The following ROBO2 variants were observed in gnomAD, a reference collection of about 807,000 sequenced individuals.
ROBO2 encodes the protein roundabout homolog 2.
In ROBO2, 53 loss-of-function variants were observed where a neutral mutation model predicts 160.8. That is an observed-to-expected ratio of 0.33 (90% confidence interval 0.26 to 0.41). The LOEUF is 0.41. Among genes scored for constraint, ROBO2 ranks in the 10% least tolerant of loss-of-function variants. ROBO2 has a pLI of 1.00. For synonymous variants in ROBO2, 664 were observed against 611.7 expected (o/e 1.09, Z -1.26); for missense variants, 1,577 against 1,722.4 (o/e 0.92, Z 1.49).
chr3:75,976,404 T>C (rs773661481), intron 2 of ROBO2, among the ~76,000 whole-genome samples: 13 of 151,574 alleles, frequency 8.6e-5, no homozygotes, highest in Admixed American at 4.6e-4. Flanking sequence ...TGTAGTTAAA[T>C]GACTCTCCAA....
intron 2 of ROBO2, among the ~76,000 whole-genome samples, chr3:76,297,384 C>T (rs562227940): frequency 6.6e-6 from 1 of 152,148 alleles, no homozygotes; most frequent in Non-Finnish European, 1.5e-5. Flanking sequence ...TACTAGAAGA[C>T]TCCATTTCCC....
At chr3:75,952,362 A>G (rs1257207465) in intron 2 of ROBO2, among the ~76,000 whole-genome samples, 3 of 151,986 alleles carry the variant, frequency 2.0e-5, no homozygotes, top group African/African-American at 7.2e-5. Context: ...TAAAGAATGA[A>G]ACTATATTTA....
chr3:76,476,840 T>TG (rs2078956786), intron 2 of ROBO2, among the ~76,000 whole-genome samples: 1 of 123,574 alleles, frequency 8.1e-6, no homozygotes, highest in Non-Finnish European at 1.8e-5. Flanking sequence ...TGGGAAAAAA[T>TG]GGAAAAAAAA....
rs115764334 is a variant in ROBO2 at position 75,949,890 on chromosome 3, C to T, written c.109+12288C>T. ...ACTTTATGTGCAATGCATTTTTTCT[C>T]GTGTTTAATCATTTTTGTATGCTAA... is the stretch of plus-strand genomic sequence containing the variant. On this transcript the variant is annotated intron_variant, in intron 2 of 26. Coordinates refer to the ROBO2 transcript ENST00000487694. 1.6e-3 allele frequency among the ~76,000 whole-genome samples: 244 copies of T among 152,054 alleles called. 1 individual carries two copies. The highest frequency in any genetic ancestry group is 5.5e-3 in the African/African-American group (229 of 41,496).
At chr3:76,606,954 A>G (rs1452298716) in intron 2 of ROBO2, among the ~76,000 whole-genome samples, 2 of 152,240 alleles carry the variant, frequency 1.3e-5, no homozygotes, top group African/African-American at 4.8e-5. Flanking sequence ...ATATGAAGCT[A>G]AATATGGAAT....
intron 1 of ROBO2, among the ~76,000 whole-genome samples, chr3:77,078,798 C>A (rs2068300634): frequency 6.6e-6 from 1 of 152,200 alleles, no homozygotes; most frequent in Non-Finnish European, 1.5e-5. Context: ...CGCAACTCAC[C>A]AGTGCTACCA....
At chr3:76,199,555 C>T (rs1603257) in intron 2 of ROBO2, among the ~76,000 whole-genome samples, 50,712 of 151,852 alleles carry the variant, frequency 0.33, 9,391 homozygotes, top group Non-Finnish European at 0.41. Flanking sequence ...TTGGTAACTT[C>T]GTGAGAGGAT....
At chr3:77,228,316 A>C (rs73101977) in intron 2 of ROBO2, among the ~76,000 whole-genome samples, 4,192 of 152,162 alleles carry the variant, frequency 0.028, 65 homozygotes, top group Middle Eastern at 0.054. Flanking sequence ...ACAGGCAAAC[A>C]CAAACACACA....
At chr3:75,975,494 G>A (rs888941237) in intron 2 of ROBO2, among the ~76,000 whole-genome samples, 1 of 151,122 alleles carries the variant, frequency 6.6e-6, no homozygotes, top group African/African-American at 2.4e-5. Flanking sequence ...GTTAGTCTCT[G>A]TTTAGATCAT....
intron 2 of ROBO2, among the ~76,000 whole-genome samples, chr3:77,103,854 G>C (rs111909226): frequency 1.3e-5 from 2 of 152,134 alleles, no homozygotes; most frequent in South Asian, 4.1e-4. Flanking sequence ...AGAGGGCACA[G>C]GTGGCACTGA....
Position 77,180,416 on chromosome 3 carries a change from C to CTCTCTCTA in ROBO2, c.388+82077_388+82078insCTCTCTAT, listed in dbSNP as rs1433740534. The stretch of plus-strand genomic sequence containing the variant: ...TCTCTCTCTCTCTCTCTCTCTCTCT[C>CTCTCTCTA]TATATATATATATATGTATTTTTTT... On this transcript the variant is annotated intron_variant, in intron 2 of 25. Coordinates refer to ENST00000461745, the Ensembl canonical transcript of ROBO2. Among the ~76,000 whole-genome samples the CTCTCTCTA allele has an allele frequency of 9.5e-3, 864 of 90,708 alleles. 21 individuals are homozygous for CTCTCTCTA. Among genetic ancestry groups the CTCTCTCTA allele is most frequent in the Non-Finnish European group, 0.013 (584 of 43,882 alleles). The allele number at this position is 90,708 out of a possible 152,430, so 59.5% of individuals were successfully genotyped here. A position where few individuals can be genotyped will look rare whatever the true frequency, so the allele number is the denominator to read the frequency against.
intron 2 of ROBO2, among the ~76,000 whole-genome samples, chr3:76,497,017 G>A (rs546209371): frequency 4.6e-5 from 7 of 152,118 alleles, no homozygotes; most frequent in Non-Finnish European, 4.4e-5. Context: ...TTAAAAAGAA[G>A]CAAGTCTTTA....
chr3:77,495,807 C>T (rs1430687149), intron 5 of ROBO2, among the ~76,000 whole-genome samples: 1 of 152,068 alleles, frequency 6.6e-6, no homozygotes, highest in Non-Finnish European at 1.5e-5. Flanking sequence ...AGCTAGTTGA[C>T]AAAAGTATTA....
chr3:76,214,427 G>A (rs138711395), intron 2 of ROBO2, among the ~76,000 whole-genome samples: 3 of 152,300 alleles, frequency 2.0e-5, no homozygotes, highest in African/African-American at 7.2e-5. Context: ...AGAAAGGGGT[G>A]ACAGATGGCA....
chr3:76,494,085 G>C (rs2107561786), intron 2 of ROBO2, among the ~76,000 whole-genome samples: 1 of 152,134 alleles, frequency 6.6e-6, no homozygotes, highest in South Asian at 2.1e-4. Flanking sequence ...ATATGTACGT[G>C]AATGTTCACA....
At chr3:76,119,356 T>A (rs958350104) in intron 2 of ROBO2, among the ~76,000 whole-genome samples, 18 of 152,096 alleles carry the variant, frequency 1.2e-4, no homozygotes, top group African/African-American at 3.6e-4. Flanking sequence ...TTTCGTAATT[T>A]TTTTTTACCA....
intron 2 of ROBO2, among the ~76,000 whole-genome samples, chr3:77,171,411 A>G (rs1476644240): frequency 6.6e-6 from 1 of 152,200 alleles, no homozygotes; most frequent in Non-Finnish European, 1.5e-5. Flanking sequence ...GGATAACAAG[A>G]ATTGTTGGCA....
intron 2 of ROBO2, among the ~76,000 whole-genome samples, chr3:77,103,612 A>AT (rs1267893330): frequency 4.6e-5 from 7 of 152,126 alleles, no homozygotes; most frequent in Admixed American, 3.9e-4. Context: ...CAGGATGATT[A>AT]TTTTTTCTTT....
intron 6 of ROBO2, among the ~76,000 whole-genome samples, chr3:77,527,735 C>T (rs1282820033): frequency 2.0e-5 from 3 of 151,250 alleles, no homozygotes; most frequent in African/African-American, 7.3e-5. Flanking sequence ...CATTGCTCTC[C>T]TTTTTTGTAT....
Sources: allele counts gnomAD v4.1 joint callset (sites outside exome capture counted in the v4.1 genomes callset), GRCh38; gene constraint gnomAD v4.1.1; transcripts MANE v1.5; gene names NCBI Gene and HGNC (gene_info 2026-07-23, HGNC 2026-07-21).